MINK1: variants seen among roughly 807,000 people sequenced by gnomAD.
MINK1 encodes the protein misshapen-like kinase 1.
A neutral mutation model predicts 178.4 loss-of-function variants in MINK1; 46 were observed. The observed-to-expected ratio is 0.26, with a 90% CI of 0.20 to 0.33. The LOEUF (loss-of-function observed/expected upper bound fraction) is 0.33. Among genes scored for constraint, MINK1 ranks in the 10% least tolerant of loss-of-function variants. The pLI, the probability that MINK1 is intolerant of heterozygous loss-of-function variation, is 1.00. For synonymous variants in MINK1, 797 were observed against 709.7 expected (o/e 1.12, Z -1.96); for missense variants, 1,366 against 1,814.9 (o/e 0.75, Z 4.49).
At chr17:4,877,489 GA>G (rs1256062017) in intron 1 of MINK1, among the ~76,000 whole-genome samples, 2 of 152,172 alleles carry the variant, frequency 1.3e-5, no homozygotes, top group Non-Finnish European at 2.9e-5. Flanking sequence ...GTCTCAGGGG[GA>G]CTGGGAAGAG....
chr17:4,887,600 G>T lies in MINK1; in HGVS notation c.1040G>T (p.Gly347Val). The T allele has an allele frequency of 6.4e-7, 1 of 1,551,522 alleles. No individual in the cohort carries two copies. The highest frequency in any genetic ancestry group is 1.2e-5 in the South Asian group (1 of 82,058). The change falls in exon 12 of 32, where the codon GGA becomes GTA. Residue 347 changes from glycine to valine, a missense_variant. Physicochemically the swap from Gly to Val is moderately radical, Grantham distance 109. Transcript: ENST00000355280. The surrounding 1 kb of genome is among the most constrained non-coding windows in gnomAD (Gnocchi z 7.6). ...GEPSSIMNVP[G>V]ESTLRREFLR... ...CCCAGCTCCATCATGAACGTGCCTGGAGAGTCGACTCTACGCCGGGAGTTT... is the reference window on the plus strand; with the variant it reads ...CCCAGCTCCATCATGAACGTGCCTGTAGAGTCGACTCTACGCCGGGAGTTT...
chr17:4,849,688 C>G (rs995140364), intron 1 of MINK1, among the ~76,000 whole-genome samples: 3 of 152,194 alleles, frequency 2.0e-5, no homozygotes, highest in Non-Finnish European at 4.4e-5. Flanking sequence ...TCTCCTGCCT[C>G]AGCCTCCCGA....
At chr17:4,892,880 TGG>T in intron 19 of MINK1, 97 bp from the exon 20 acceptor site, 1 of 1,387,012 alleles carries the variant, frequency 7.2e-7, no homozygotes, top group Non-Finnish European at 1.0e-6. Context: ...AGGACCTGTG[TGG>T]GTATGGAACT....
intron 1 of MINK1, among the ~76,000 whole-genome samples, chr17:4,877,376 A>G (rs906128387): frequency 3.3e-5 from 5 of 152,122 alleles, no homozygotes; most frequent in African/African-American, 1.2e-4. Context: ...AGGAACAGAA[A>G]GTTCTCCCTT....
chr17:4,895,899 C>T lies in MINK1; in HGVS notation c.3364+67C>T. 4.4e-6 allele frequency: 7 copies of T among 1,584,730 alleles called. No individual in the cohort carries two copies. Among genetic ancestry groups the T allele is most frequent in the Non-Finnish European group, 5.2e-6 (6 of 1,164,018 alleles). ...TGAAGAGAGAAATGGATCTGGGAGC[C>T]AGGGACTTGGGGCCTGGGTGGGGCA... On this transcript the variant is annotated intron_variant, in intron 27 of 31. Coordinates refer to ENST00000355280, the MANE Select transcript of MINK1 (RefSeq NM_153827.5). The surrounding 1 kb of genome is among the most constrained non-coding windows in gnomAD (Gnocchi z 4.3).
At chr17:4,888,571 G>C (rs1263596499) in intron 12 of MINK1, among the ~76,000 whole-genome samples, 1 of 151,782 alleles carries the variant, frequency 6.6e-6, no homozygotes, top group African/African-American at 2.4e-5. Flanking sequence ...CTGGGAGGTG[G>C]AAGTTGTAGT....
At position 4,890,618 on chromosome 17, in the gene MINK1, ACAGCAGCAGCAGCTTCAGAAACAG is replaced by A. The variant is rs1567613317; in HGVS notation, c.1464_1487del (p.Gln489_Leu496del). On this transcript the variant is annotated inframe_deletion, in exon 14 of 32. Transcript: ENST00000355280. ...ACCTCAAGTCCCTGCAGCAGCAGCA[ACAGCAGCAGCAGCTTCAGAAACAG>A]CAGCAGCAGCAGCTCCTGCCTGGGG... The A allele has an allele frequency of 3.2e-6, 5 of 1,558,480 alleles. No homozygotes were observed. Among genetic ancestry groups the A allele is most frequent in the African/African-American group, 1.4e-5 (1 of 73,262 alleles).
chr17:4,851,999 C>CA lies in MINK1; in HGVS notation c.57+18387dup, dbSNP rs535581252. 6.1e-3 allele frequency among the ~76,000 whole-genome samples: 423 copies of CA among 69,438 alleles called. 27 individuals are homozygous for CA. The highest frequency in any genetic ancestry group is 0.022 in the African/African-American group (344 of 15,524). 45.6% of individuals were successfully genotyped at this position (69,438 alleles called of 152,430 possible). Reference sequence around the variant, plus strand: ...TGGGCAACAGAGTGAGACTCTGTCTCAAAAAAAAAAAAAAAAAAAAAAAAA... The same window carrying CA: ...TGGGCAACAGAGTGAGACTCTGTCTCAAAAAAAAAAAAAAAAAAAAAAAAAA... On this transcript the variant is annotated intron_variant, in intron 1 of 31. Coordinates refer to ENST00000355280, the MANE Select transcript of MINK1 (RefSeq NM_153827.5).
intron 1 of MINK1, among the ~76,000 whole-genome samples, chr17:4,842,046 C>G (rs1029141341): frequency 6.6e-6 from 1 of 151,930 alleles, no homozygotes; most frequent in African/African-American, 2.4e-5. Flanking sequence ...ACGGTGAAAC[C>G]CCGTCTCTAC....
At position 4,897,550 on chromosome 17, in the gene MINK1, T is replaced by G. The variant is rs1969681796; in HGVS notation, c.*263T>G. ...CAGCTTCCCCTTCCCAGGAATTGAG[T>G]GGGCCTAGCCCCTCCCCCCTTTTCT... On this transcript the variant is annotated 3_prime_UTR_variant, in exon 32 of 32. Coordinates refer to ENST00000355280, the MANE Select transcript of MINK1 (RefSeq NM_153827.5). 2 of 476,510 alleles carry G rather than the reference T, an allele frequency of 4.2e-6. No individual in the cohort carries two copies. The highest frequency in any genetic ancestry group is 7.6e-6 in the Non-Finnish European group (2 of 264,012). 29.5% of individuals were successfully genotyped at this position (476,510 alleles called of 1,614,324 possible). A position where few individuals can be genotyped will look rare whatever the true frequency, so the allele number is the denominator to read the frequency against.
At chr17:4,864,125 T>G (rs1056859169) in intron 1 of MINK1, among the ~76,000 whole-genome samples, 3 of 150,982 alleles carry the variant, frequency 2.0e-5, no homozygotes, top group Non-Finnish European at 4.4e-5. Context: ...GGGGGCCAGG[T>G]GCAGTGGCTC....
rs1969344366 is a variant in MINK1, at chr17:4,895,398, G to A, written c.3134G>A (p.Arg1045Gln). The stretch of plus-strand genomic sequence containing the variant: ...GAGAACGGGCTGATGTTGCTGGACC[G>A]AAGTGGGCAGGGCAAGGTGTATGGA... ...GTENGLMLLD[R>Q]SGQGKVYGLI... Residue 1045 changes from arginine (R) to glutamine (Q), a missense_variant, in exon 26 of 32, where the codon CGA (arginine) becomes CAA (glutamine). Physicochemically the swap from Arg to Gln is conservative, Grantham distance 43. Around this residue, in one of 14 missense-constraint regions of MINK1, gnomAD observed 1 missense variants for 18.2 expected, o/e 0.06. Coordinates refer to ENST00000355280, the MANE Select transcript of MINK1 (RefSeq NM_153827.5). The surrounding 1 kb of genome is among the most constrained non-coding windows in gnomAD (Gnocchi z 4.3). The A allele has an allele frequency of 6.2e-7, 1 of 1,610,458 alleles. No homozygotes were observed. Among genetic ancestry groups the A allele is most frequent in the African/African-American group, 1.3e-5 (1 of 74,862 alleles).
chr17:4,837,949 C>T (rs998569969), intron 1 of MINK1, among the ~76,000 whole-genome samples: 2 of 151,988 alleles, frequency 1.3e-5, no homozygotes, highest in Non-Finnish European at 2.9e-5. Flanking sequence ...TCTCTTCATG[C>T]GGCTGTGGAG....
chr17:4,854,581 G>A (rs998138329), intron 1 of MINK1, among the ~76,000 whole-genome samples: 3 of 152,150 alleles, frequency 2.0e-5, no homozygotes, highest in Admixed American at 6.5e-5. Context: ...GTGTGCATGC[G>A]TGTGTCTCAC....
intron 14 of MINK1, 43 bp downstream of exon 14, chr17:4,890,778 G>T: frequency 6.5e-7 from 1 of 1,533,090 alleles, no homozygotes; most frequent in Non-Finnish European, 8.8e-7. Context: ...CAGTCCCACT[G>T]CCTGAGGCCT....
At chr17:4,882,746 G>A (rs528509474) in intron 4 of MINK1, among the ~76,000 whole-genome samples, 1 of 152,118 alleles carries the variant, frequency 6.6e-6, no homozygotes, top group African/African-American at 2.4e-5. Context: ...CCCTCACTGC[G>A]GTCACTCACG....
At chr17:4,892,901 A>T in intron 19 of MINK1, 78 bp from the exon 20 acceptor site, 1 of 1,425,208 alleles carries the variant, frequency 7.0e-7, no homozygotes. Context: ...CTTGGGGCTG[A>T]GTTCTGGGGC....
intron 1 of MINK1, among the ~76,000 whole-genome samples, chr17:4,874,275 C>A (rs536852901): frequency 6.6e-6 from 1 of 152,182 alleles, no homozygotes; most frequent in Non-Finnish European, 1.5e-5. Flanking sequence ...AAATGAGATA[C>A]GATTGCCTTA....
rs1017407528 is a variant in MINK1, at chr17:4,885,860, C to G, written c.640-51C>G. 24 of 1,595,966 alleles carry G rather than the reference C, an allele frequency of 1.5e-5. No individual in the cohort carries two copies. Among genetic ancestry groups the G allele is most frequent in the Non-Finnish European group, 2.1e-5 (24 of 1,165,660 alleles). On this transcript the variant is annotated intron_variant, in intron 7 of 31. Coordinates refer to ENST00000355280, the MANE Select transcript of MINK1 (RefSeq NM_153827.5). The surrounding 1 kb of genome is among the most constrained non-coding windows in gnomAD (Gnocchi z 5.0). ...CAGGATGGTGGGTGAAGAGAGGTTG[C>G]AGGGCAGAGTTGTCAGGAATATTCA...
Sources: allele counts gnomAD v4.1 joint callset (sites outside exome capture counted in the v4.1 genomes callset), GRCh38; gene constraint gnomAD v4.1.1; regional missense constraint gnomAD v4.1.1; non-coding constraint Gnocchi (gnomAD v3.1); transcripts MANE v1.5; gene names NCBI Gene and HGNC (gene_info 2026-07-23, HGNC 2026-07-21).